Variants in SLC25A14 observed in about 807,000 individuals in gnomAD.
SLC25A14 encodes the protein brain mitochondrial carrier protein 1.
Under a neutral mutation model 28.1 loss-of-function variants are expected in SLC25A14, and 8 were observed. The observed-to-expected ratio is 0.28, with a 90% CI of 0.17 to 0.51. SLC25A14 has a LOEUF of 0.51. SLC25A14 is among the 20% of genes least tolerant of loss of function. SLC25A14 has a pLI of 0.97. For synonymous variants in SLC25A14, 74 were observed against 90.6 expected (o/e 0.82, Z 1.04); for missense variants, 135 against 263.8 (o/e 0.51, Z 3.38).
intron 6 of SLC25A14, among the ~76,000 whole-genome samples, chrX:130,355,477 C>T (rs1364125943): frequency 8.9e-6 from 1 of 112,254 alleles, no homozygotes; most frequent in Non-Finnish European, 1.9e-5. Flanking sequence ...GATTTTGCTA[C>T]ATGTGCTTTT....
intron 5 of SLC25A14, 49 bp from the exon 6 acceptor site, chrX:130,350,597 A>G (rs2033595364): frequency 2.5e-6 from 2 of 792,052 alleles, no homozygotes; most frequent in Middle Eastern, 2.9e-4. Context: ...ATGTACTCAA[A>G]CTGGTGCCTA....
intron 4 of SLC25A14, 28 bp downstream of exon 4, chrX:130,346,719 T>A (rs762967989): frequency 8.7e-7 from 1 of 1,149,365 alleles, no homozygotes; most frequent in South Asian, 2.0e-5. Flanking sequence ...CTTATATCAT[T>A]AACAGAAATG....
chrX:130,346,462 A>G lies in SLC25A14; in HGVS notation c.170-82A>G, dbSNP rs748846943. The G allele has an allele frequency of 4.4e-5, 37 of 832,327 alleles. No homozygotes were observed. The African/African-American group carries it at 7.3e-4, about 17-fold the overall frequency. 68.6% of individuals were successfully genotyped at this position (832,327 alleles called of 1,213,427 possible). A position where few individuals can be genotyped will look rare whatever the true frequency, so the allele number is the denominator to read the frequency against. ...AAAAAGGACTTTGTCTTAGGATTCA[A>G]ATATTGTCCTTGGCTTATATTTAGC... On this transcript the variant is annotated intron_variant, in intron 3 of 10. Transcript: ENST00000545805.
chrX:130,365,928 G>A (rs181691042), intron 9 of SLC25A14, among the ~76,000 whole-genome samples: 10 of 111,787 alleles, frequency 8.9e-5, no homozygotes, highest in African/African-American at 3.2e-4. Flanking sequence ...GTATCATGTA[G>A]AATTATTGAT....
At chrX:130,350,836 G>A in intron 6 of SLC25A14, 105 bp downstream of exon 6, 1 of 404,365 alleles carries the variant, frequency 2.5e-6, no homozygotes, top group Non-Finnish European at 4.4e-6. Flanking sequence ...GGGCAAATCA[G>A]TTAACTGCAT....
Position 130,343,031 on chromosome X carries a change from C to G in SLC25A14, c.76-2151C>G, listed in dbSNP as rs1377074078. Among the ~76,000 whole-genome samples, 4 of 111,392 alleles carry G rather than the reference C, an allele frequency of 3.6e-5. No individual in the cohort carries two copies. The Admixed American group carries it at 3.8e-4, about 11-fold the overall frequency. On this transcript the variant is annotated intron_variant, in intron 2 of 10. Coordinates refer to ENST00000545805, the MANE Select transcript of SLC25A14 (RefSeq NM_001282195.2). ...CCCTGTTCCTTGCCTTTCACTGATT[C>G]ATCATTGCTCCCTGAGCACATTTTC...
At chrX:130,341,712 C>A (rs1002629163) in intron 2 of SLC25A14, among the ~76,000 whole-genome samples, 2 of 112,244 alleles carry the variant, frequency 1.8e-5, no homozygotes, top group Admixed American at 9.4e-5. Context: ...TCATTGGTTT[C>A]TTTATACAGT....
intron 7 of SLC25A14, among the ~76,000 whole-genome samples, chrX:130,362,335 A>G (rs1313050226): frequency 2.8e-5 from 3 of 108,905 alleles, no homozygotes; most frequent in East Asian, 5.7e-4. Flanking sequence ...AAGAATGGCT[A>G]CTCCATAGGC....
Position 130,349,141 on chromosome X carries a change from T to C in SLC25A14, c.318-110T>C, listed in dbSNP as rs2033547220. 9.7e-6 allele frequency: 4 copies of C among 412,108 alleles called. No individual in the cohort carries two copies. The African/African-American group carries it at 1.0e-4, about 11-fold the overall frequency. The allele number at this position is 412,108 out of a possible 1,213,427, so 34.0% of individuals were successfully genotyped here. A position where few individuals can be genotyped will look rare whatever the true frequency, so the allele number is the denominator to read the frequency against. On this transcript the variant is annotated intron_variant, in intron 4 of 10. Coordinates refer to ENST00000545805, the MANE Select transcript of SLC25A14 (RefSeq NM_001282195.2). ...TTTCATGAGTGCTTGAAAAAAATCATATTCTGCTGTTGTTGGGTAGAATGA... is the reference window on the plus strand; with the variant it reads ...TTTCATGAGTGCTTGAAAAAAATCACATTCTGCTGTTGTTGGGTAGAATGA...
intron 9 of SLC25A14, among the ~76,000 whole-genome samples, chrX:130,371,070 T>G (rs1016487635): frequency 8.9e-6 from 1 of 111,906 alleles, no homozygotes; most frequent in African/African-American, 3.3e-5. Flanking sequence ...TTCCTCACCA[T>G]GTAGTCCTCT....
chrX:130,347,811 C>G (rs746041593), intron 4 of SLC25A14, among the ~76,000 whole-genome samples: 1 of 111,495 alleles, frequency 9.0e-6, no homozygotes, highest in South Asian at 3.8e-4. Flanking sequence ...CTGTGGTTTT[C>G]CTTTTTTGTA....
intron 4 of SLC25A14, among the ~76,000 whole-genome samples, chrX:130,348,837 C>T (rs371326606): frequency 1.2e-5 from 1 of 84,521 alleles, no homozygotes; most frequent in South Asian, 8.0e-4. Flanking sequence ...GTAAATTTCC[C>T]TCAGCACTGC....
At chrX:130,372,196 C>T (rs2034277572) in intron 10 of SLC25A14, among the ~76,000 whole-genome samples, 1 of 111,520 alleles carries the variant, frequency 9.0e-6, no homozygotes, top group Non-Finnish European at 1.9e-5. Flanking sequence ...ATTCTCTGCC[C>T]TTGTGGGGTC....
At chrX:130,345,418 C>T (rs1227539076) in intron 3 of SLC25A14, 143 bp downstream of exon 3, 4 of 441,262 alleles carry the variant, frequency 9.1e-6, no homozygotes, top group Non-Finnish European at 1.6e-5. Flanking sequence ...AGTAATATTT[C>T]AGGGAAAGTA....
In SLC25A14 at chrX:130,340,345, G is replaced by C; in HGVS notation, c.67G>C (p.Val23Leu). Residue 23 changes from valine to leucine, a missense_variant, in exon 2 of 11, where the codon GTA (valine) becomes CTA (leucine). By Grantham distance (32) the Val-to-Leu change is conservative. Transcript: ENST00000545805. ...RVKFATAAVI[V>L]SGHQKSTTVS... Reference sequence around the variant, plus strand: ...GAAGTTTGCAACGGCGGCCGTGATTGTAAGCGGAGTAAGCAAACACCTCCA... The same window carrying C: ...GAAGTTTGCAACGGCGGCCGTGATTCTAAGCGGAGTAAGCAAACACCTCCA... The C allele has an allele frequency of 1.7e-6, 2 of 1,211,080 alleles. No individual in the cohort carries two copies. Among genetic ancestry groups the C allele is most frequent in the Non-Finnish European group, 2.2e-6 (2 of 894,937 alleles).
Position 130,358,678 on chromosome X carries a change from C to T in SLC25A14, c.537C>T (p.Ser179=), listed in dbSNP as rs1312722396. Residue 179 remains serine, a synonymous_variant, in exon 7 of 11, where the codon AGC becomes AGT. Coordinates refer to ENST00000545805, the MANE Select transcript of SLC25A14 (RefSeq NM_001282195.2). ...MQAQGSLFQG[S]MIGSFIDIYQ... Reference sequence around the variant, plus strand: ...CTCAAGGAAGCTTGTTCCAAGGGAGCATGATTGGAAGCTTTATCGATATAT... The same window carrying T: ...CTCAAGGAAGCTTGTTCCAAGGGAGTATGATTGGAAGCTTTATCGATATAT... The T allele has an allele frequency of 5.0e-6, 6 of 1,206,923 alleles. No individual in the cohort carries two copies. The highest frequency in any genetic ancestry group is 1.7e-5 in the African/African-American group (1 of 57,660).
At chrX:130,370,644 A>G (rs1194675070) in intron 9 of SLC25A14, among the ~76,000 whole-genome samples, 1 of 112,272 alleles carries the variant, frequency 8.9e-6, no homozygotes, top group Non-Finnish European at 1.9e-5. Context: ...ATGGCATTAT[A>G]TAGAATTTAT....
intron 7 of SLC25A14, among the ~76,000 whole-genome samples, chrX:130,363,696 C>CTT (rs2034037788): frequency 8.9e-6 from 1 of 111,804 alleles, no homozygotes; most frequent in African/African-American, 3.2e-5. Context: ...TCTTCACATC[C>CTT]TCACCAACAC....
In SLC25A14 at chrX:130,346,471, C is replaced by T. The variant is rs754462363; in HGVS notation, c.170-73C>T. 9 of 911,944 alleles carry T rather than the reference C, an allele frequency of 9.9e-6. No homozygotes were observed. The South Asian group carries it at 2.0e-4, about 21-fold the overall frequency. The allele number at this position is 911,944 out of a possible 1,213,427, so 75.2% of individuals were successfully genotyped here. On this transcript the variant is annotated intron_variant, in intron 3 of 10. Coordinates refer to ENST00000545805, the MANE Select transcript of SLC25A14 (RefSeq NM_001282195.2). The stretch of plus-strand genomic sequence containing the variant: ...TTTGTCTTAGGATTCAAATATTGTC[C>T]TTGGCTTATATTTAGCAACAACTTA...
Sources: allele counts gnomAD v4.1 joint callset (sites outside exome capture counted in the v4.1 genomes callset), GRCh38; gene constraint gnomAD v4.1.1; transcripts MANE v1.5; gene names NCBI Gene and HGNC (gene_info 2026-07-23, HGNC 2026-07-21).